The following TAF4 variants were observed in gnomAD, a reference collection of about 807,000 sequenced individuals.
TAF4 encodes transcription initiation factor TFIID subunit 4.
Under a neutral mutation model 90.3 loss-of-function variants are expected in TAF4, and 9 were observed. That is an observed-to-expected ratio of 0.10 (90% CI 0.06 to 0.17). The LOEUF (loss-of-function observed/expected upper bound fraction) is 0.17. Ranked by LOEUF, TAF4 falls within the 10% of genes least tolerant of loss-of-function variation. The probability of loss-of-function intolerance (pLI) is 1.00; values close to 1 mark genes in which losing one functional copy is unlikely to be tolerated. For missense variants in TAF4, 1,351 were observed against 1,370.7 expected (o/e 0.99, Z 0.23); for synonymous variants, 818 against 638.9 (o/e 1.28, Z -4.23).
At chr20:61,977,925 A>G (rs2055506247) in intron 14 of TAF4, among the ~76,000 whole-genome samples, 1 of 152,226 alleles carries the variant, frequency 6.6e-6, no homozygotes, top group Admixed American at 6.5e-5. Context: ...AGCAGCTAAA[A>G]AAGAGGACCG....
chr20:62,005,123 AG>A (rs961921161), intron 7 of TAF4: 2 of 152,534 alleles, frequency 1.3e-5, no homozygotes, highest in Non-Finnish European at 1.5e-5. Context: ...CACACTGGAC[AG>A]GAAGAGCCTC....
intron 1 of TAF4, among the ~76,000 whole-genome samples, chr20:62,016,703 A>G (rs2123154522): frequency 6.6e-6 from 1 of 152,308 alleles, no homozygotes; most frequent in Non-Finnish European, 1.5e-5. Context: ...TGATCCTGAG[A>G]GTCAATTCTC....
In TAF4 at chr20:62,065,326, CCGGCGGGCTTGGCGGGGCCGGCGGGGG is replaced by C. The variant is rs1191496984; in HGVS notation, c.458_484del (p.Ala153_Ala161del). On this transcript the variant is annotated inframe_deletion, in exon 1 of 15. Coordinates refer to ENST00000252996, the MANE Select transcript of TAF4 (RefSeq NM_003185.4). ...GGCGCGGGCGGCCAGCGCGGCGGGG[CCGGCGGGCTTGGCGGGGCCGGCGGGGG>C]CGGGCTCGGGCCCCGCGGCGACGGC... 4 of 936,888 alleles carry C rather than the reference CCGGCGGGCTTGGCGGGGCCGGCGGGGG, an allele frequency of 4.3e-6. No individual in the cohort carries two copies. In the African/African-American group the frequency reaches 7.9e-5, roughly 19 times the overall value. The allele number at this position is 936,888 out of a possible 1,614,324, so 58.0% of individuals were successfully genotyped here.
chr20:62,054,394 G>A (rs575827705), intron 1 of TAF4, among the ~76,000 whole-genome samples: 25 of 152,292 alleles, frequency 1.6e-4, no homozygotes, highest in African/African-American at 3.1e-4. Flanking sequence ...GCCAACATGC[G>A]GCAGGAAGGC....
rs762994547 is a variant in TAF4, at chr20:62,006,718, G to A, written c.2015C>T (p.Ala672Val). 8.9e-6 allele frequency: 14 copies of A among 1,567,106 alleles called. No individual in the cohort carries two copies. Among genetic ancestry groups the A allele is most frequent in the Middle Eastern group, 1.7e-4 (1 of 5,902 alleles). The change falls in exon 7 of 15, where the codon GCG (alanine) becomes GTG (valine). Residue 672 changes from alanine (A) to valine (V), a missense_variant. Coordinates refer to ENST00000252996, the MANE Select transcript of TAF4 (RefSeq NM_003185.4). This position sits in a 1 kb window ranked among gnomAD's most constrained non-coding sequence, Gnocchi z 7.0. Reference protein sequence around the residue: ...PALRQLTPDSAAFIQQSQQQP... With the variant: ...PALRQLTPDSVAFIQQSQQQP... ...CTGCTGGCTCTGCTGGATGAAGGCCGCGGAGTCGGGGGTCAGCTGTCTCAA... is the reference window on the plus strand; with the variant it reads ...CTGCTGGCTCTGCTGGATGAAGGCCACGGAGTCGGGGGTCAGCTGTCTCAA...
At chr20:62,063,207 T>C (rs749267087) in intron 1 of TAF4, among the ~76,000 whole-genome samples, 27 of 152,042 alleles carry the variant, frequency 1.8e-4, no homozygotes, top group African/African-American at 3.1e-4. Flanking sequence ...ACCCCTGCCC[T>C]GTCCAGAGTC....
intron 1 of TAF4, among the ~76,000 whole-genome samples, chr20:62,021,846 A>G (rs898637126): frequency 2.0e-5 from 3 of 152,188 alleles, no homozygotes; most frequent in African/African-American, 7.2e-5. Flanking sequence ...TATTTAAAAA[A>G]AGAAAAAAAA....
chr20:62,050,506 A>G (rs961757297), intron 1 of TAF4, among the ~76,000 whole-genome samples: 1 of 151,980 alleles, frequency 6.6e-6, no homozygotes, highest in Non-Finnish European at 1.5e-5. Context: ...GGGTGCTGGC[A>G]GCACAGTCTC....
intron 13 of TAF4, 64 bp downstream of exon 13, chr20:61,998,072 C>A: frequency 1.3e-6 from 2 of 1,514,218 alleles, no homozygotes; most frequent in South Asian, 1.2e-5. Context: ...CTTAGCCCCC[C>A]TCCCGTGGGG....
intron 1 of TAF4, among the ~76,000 whole-genome samples, chr20:62,023,180 G>A (rs1368497238): frequency 2.6e-5 from 4 of 152,212 alleles, no homozygotes; most frequent in Non-Finnish European, 5.9e-5. Context: ...AGTGGCTCAC[G>A]CCTGTCATCC....
At chr20:62,044,312 C>A (rs1352858732) in intron 1 of TAF4, among the ~76,000 whole-genome samples, 2 of 151,964 alleles carry the variant, frequency 1.3e-5, no homozygotes, top group Non-Finnish European at 2.9e-5. Context: ...TAAAAATTAG[C>A]GTATATGCTA....
At chr20:62,018,399 T>C (rs1312592742) in intron 1 of TAF4, among the ~76,000 whole-genome samples, 1 of 152,246 alleles carries the variant, frequency 6.6e-6, no homozygotes, top group East Asian at 1.9e-4. Flanking sequence ...CAGCAGCATC[T>C]ATTCACGCCA....
chr20:62,006,695 G>C lies in TAF4; in HGVS notation c.2038C>G (p.Gln680Glu). The change falls in exon 7 of 15, where the codon CAG (glutamine) becomes GAG (glutamate). Residue 680 changes from glutamine to glutamate, a missense_variant. By Grantham distance (29) the Gln-to-Glu change is conservative (BLOSUM62 2). Transcript: ENST00000252996. The surrounding 1 kb of genome is among the most constrained non-coding windows in gnomAD (Gnocchi z 7.0). ...TGCGAGGTGGGCGGTGGCGGCTGCT[G>C]CTGGCTCTGCTGGATGAAGGCCGCG... ...DSAAFIQQSQ[Q>E]QPPPPTSQAT... 6.3e-7 allele frequency: 1 copy of C among 1,589,982 alleles called. No individual in the cohort carries two copies. The highest frequency in any genetic ancestry group is 8.6e-7 in the Non-Finnish European group (1 of 1,164,558).
In TAF4 at chr20:62,065,870, G is replaced by A. The variant is rs1456375487; in HGVS notation, c.-60C>T. ...GGGCCGAGCGCGCCTGGGCGAGGAG[G>A]AGGTTCCGACTGGGGCGGGCGCTGG... On this transcript the variant is annotated 5_prime_UTR_variant, in exon 1 of 15. Coordinates refer to ENST00000252996, the MANE Select transcript of TAF4 (RefSeq NM_003185.4). The A allele has an allele frequency of 4.3e-6, 5 of 1,164,162 alleles. No homozygotes were observed. In the East Asian group the frequency reaches 4.0e-4, roughly 92 times the overall value. 72.1% of individuals were successfully genotyped at this position (1,164,162 alleles called of 1,614,324 possible). A position where few individuals can be genotyped will look rare whatever the true frequency, so the allele number is the denominator to read the frequency against.
At chr20:62,030,875 G>A (rs1348293838) in intron 1 of TAF4, among the ~76,000 whole-genome samples, 1 of 152,108 alleles carries the variant, frequency 6.6e-6, no homozygotes, top group Non-Finnish European at 1.5e-5. Flanking sequence ...GAGGCTCTCC[G>A]TACCCCACCA....
At chr20:62,039,757 T>C (rs2055953452) in intron 1 of TAF4, among the ~76,000 whole-genome samples, 1 of 152,214 alleles carries the variant, frequency 6.6e-6, no homozygotes. Context: ...ATAAATTACT[T>C]ACATCTAGAA....
Position 62,014,594 on chromosome 20 carries a change from G to A in TAF4, c.1474C>T (p.Pro492Ser). 4.3e-6 allele frequency: 7 copies of A among 1,614,002 alleles called. No individual in the cohort carries two copies. The highest frequency in any genetic ancestry group is 5.9e-6 in the Non-Finnish European group (7 of 1,179,962). The change falls in exon 2 of 15, where the codon CCT becomes TCT. Residue 492 changes from proline to serine, a missense_variant. Physicochemically the swap from Pro to Ser is moderately conservative, Grantham distance 74 (BLOSUM62 -1). Around this residue, in one of 9 missense-constraint regions of TAF4, gnomAD observed 143 missense variants for 176.3 expected, o/e 0.81. Transcript: ENST00000252996. ...AQPQTTMAPR[P>S]ATPTSAPPVQ... ...GGAGGGGCACTTGTGGGGGTGGCAG[G>A]GCGAGGCGCCATGGTGGTCTGAGGC... is the stretch of plus-strand genomic sequence containing the variant.
At chr20:61,993,973 G>A (rs570151344) in intron 14 of TAF4, among the ~76,000 whole-genome samples, 3 of 151,938 alleles carry the variant, frequency 2.0e-5, no homozygotes, top group South Asian at 2.1e-4. Context: ...GGCTGGTCTC[G>A]AACTCCTGAC....
intron 1 of TAF4, among the ~76,000 whole-genome samples, chr20:62,046,726 G>A (rs1161870654): frequency 2.0e-5 from 3 of 152,298 alleles, no homozygotes; most frequent in South Asian, 2.1e-4. Context: ...CACACCCACC[G>A]ACACACGGGA....
Sources: allele counts gnomAD v4.1 joint callset (sites outside exome capture counted in the v4.1 genomes callset), GRCh38; gene constraint gnomAD v4.1.1; regional missense constraint gnomAD v4.1.1; non-coding constraint Gnocchi (gnomAD v3.1); transcripts MANE v1.5; gene names NCBI Gene and HGNC (gene_info 2026-07-23, HGNC 2026-07-21).